Variants in NLGN1 observed in about 807,000 individuals in gnomAD.
The protein encoded by NLGN1 is neuroligin-1.
Under a neutral mutation model 65.5 loss-of-function variants are expected in NLGN1, and 12 were observed. The ratio of observed to expected loss-of-function variants is 0.18; its 90% CI spans 0.12 to 0.30. The LOEUF (loss-of-function observed/expected upper bound fraction) is 0.30, where lower values mean the gene tolerates loss of function less well. Ranked by LOEUF, NLGN1 falls within the 10% of genes least tolerant of loss-of-function variation. The probability of loss-of-function intolerance (pLI) is 1.00; values close to 1 mark genes in which losing one functional copy is unlikely to be tolerated. For missense variants in NLGN1, 750 were observed against 1,007.1 expected (o/e 0.74, Z 3.46); for synonymous variants, 350 against 359.5 (o/e 0.97, Z 0.30).
At chr3:174,128,575 C>G (rs559750100) in intron 4 of NLGN1, among the ~76,000 whole-genome samples, 104 of 152,228 alleles carry the variant, frequency 6.8e-4, no homozygotes, top group Admixed American at 1.7e-3. Context: ...TATTTACTGA[C>G]CCATTTTAAA....
In NLGN1 at chr3:174,107,009, CACACACACAG is replaced by C. The variant is rs1172621728; in HGVS notation, c.647-168304_647-168295del. ...ACACACACACACACACACACACACACACACACACAGAGAGAGAGAGAGAGAGAGAGAGAGA... is the reference window on the plus strand; with the variant it reads ...ACACACACACACACACACACACACACAGAGAGAGAGAGAGAGAGAGAGAGA... On this transcript the variant is annotated intron_variant, in intron 4 of 6. Transcript: ENST00000457714. Among the ~76,000 whole-genome samples the C allele has an allele frequency of 7.9e-4, 94 of 118,892 alleles. 1 individual carries two copies. The highest frequency in any genetic ancestry group is 7.4e-4 in the Admixed American group (9 of 12,166). The allele number at this position is 118,892 out of a possible 152,430, so 78.0% of individuals were successfully genotyped here.
chr3:173,402,036 C>A (rs1339360600), intron 1 of NLGN1, among the ~76,000 whole-genome samples: 1 of 152,084 alleles, frequency 6.6e-6, no homozygotes, highest in Non-Finnish European at 1.5e-5. Flanking sequence ...TGATACTTAC[C>A]AATTATTTAG....
At chr3:173,953,426 T>C (rs889413293) in intron 4 of NLGN1, among the ~76,000 whole-genome samples, 1 of 152,224 alleles carries the variant, frequency 6.6e-6, no homozygotes. Context: ...CTCTGTTCAA[T>C]TTTAGAGCTG....
chr3:174,174,060 A>T (rs1729011086), intron 4 of NLGN1, among the ~76,000 whole-genome samples: 1 of 152,020 alleles, frequency 6.6e-6, no homozygotes, highest in Non-Finnish European at 1.5e-5. Flanking sequence ...CCCACATATG[A>T]GTGAGAACAT....
chr3:173,650,872 T>G (rs1187678988), intron 3 of NLGN1, among the ~76,000 whole-genome samples: 4 of 152,150 alleles, frequency 2.6e-5, no homozygotes, highest in African/African-American at 7.2e-5. Context: ...TTGGCAGGAC[T>G]GCTACTGCCT....
chr3:173,474,615 GGTTA>G (rs562271176), intron 2 of NLGN1, among the ~76,000 whole-genome samples: 1 of 152,070 alleles, frequency 6.6e-6, no homozygotes, highest in South Asian at 2.1e-4. Context: ...AGTTTTCCTT[GGTTA>G]GTTTCAGTAT....
chr3:173,789,131 A>G (rs1341112869), intron 3 of NLGN1, among the ~76,000 whole-genome samples: 2 of 151,870 alleles, frequency 1.3e-5, no homozygotes, highest in South Asian at 2.1e-4. Flanking sequence ...CCTGGGAAGC[A>G]GAGGTTGCAG....
chr3:174,028,965 G>A (rs1401887760), intron 4 of NLGN1, among the ~76,000 whole-genome samples: 2 of 152,124 alleles, frequency 1.3e-5, no homozygotes, highest in Non-Finnish European at 2.9e-5. Flanking sequence ...TAGAGCTCAG[G>A]CCATCAGAGG....
At chr3:173,716,722 A>C (rs1448522716) in intron 3 of NLGN1, among the ~76,000 whole-genome samples, 2 of 152,152 alleles carry the variant, frequency 1.3e-5, no homozygotes, top group African/African-American at 4.8e-5. Context: ...ATGTATCCTT[A>C]AGTCTAAAAG....
chr3:173,662,881 T>C (rs987165853), intron 3 of NLGN1, among the ~76,000 whole-genome samples: 7 of 151,976 alleles, frequency 4.6e-5, no homozygotes, highest in African/African-American at 7.2e-5. Flanking sequence ...AACAGTATAC[T>C]TTTCCATAGG....
At chr3:173,813,866 A>G (rs997278998) in intron 4 of NLGN1, among the ~76,000 whole-genome samples, 1 of 152,228 alleles carries the variant, frequency 6.6e-6, no homozygotes, top group African/African-American at 2.4e-5. Flanking sequence ...AATTTATCAT[A>G]TGGGTTGTAT....
At chr3:173,579,943 A>T (rs918392212) in intron 2 of NLGN1, among the ~76,000 whole-genome samples, 4 of 151,922 alleles carry the variant, frequency 2.6e-5, no homozygotes, top group Non-Finnish European at 2.9e-5. Flanking sequence ...AATTATTTTT[A>T]AAAAATTGTT....
intron 4 of NLGN1, among the ~76,000 whole-genome samples, chr3:174,171,519 A>C (rs1728524514): frequency 6.6e-6 from 1 of 152,116 alleles, no homozygotes; most frequent in South Asian, 2.1e-4. Context: ...AATAGTTTCT[A>C]CCCTTTTCTA....
At chr3:173,770,572 G>T (rs764319861) in intron 3 of NLGN1, among the ~76,000 whole-genome samples, 1 of 152,090 alleles carries the variant, frequency 6.6e-6, no homozygotes, top group Non-Finnish European at 1.5e-5. Context: ...GTTCAGTGCT[G>T]CTCCTCATGG....
intron 3 of NLGN1, among the ~76,000 whole-genome samples, chr3:173,703,069 C>T (rs942357362): frequency 1.3e-5 from 2 of 151,144 alleles, no homozygotes; most frequent in African/African-American, 2.4e-5. Flanking sequence ...TATTATGTTA[C>T]TAGAGTTTTT....
intron 2 of NLGN1, among the ~76,000 whole-genome samples, chr3:173,539,679 C>CT: frequency 1.2e-5 from 1 of 80,004 alleles, no homozygotes; most frequent in Middle Eastern, 9.8e-3. Context: ...ACATATATAA[C>CT]ATACATATAT....
At chr3:173,483,886 A>G (rs1216833709) in intron 2 of NLGN1, among the ~76,000 whole-genome samples, 1 of 152,190 alleles carries the variant, frequency 6.6e-6, no homozygotes, top group African/African-American at 2.4e-5. Flanking sequence ...ATCAAAGGGT[A>G]TGTCCATCTT....
intron 2 of NLGN1, among the ~76,000 whole-genome samples, chr3:173,486,596 A>G (rs1576923448): frequency 6.6e-6 from 1 of 152,172 alleles, no homozygotes; most frequent in African/African-American, 2.4e-5. Context: ...ACTTCTGTGG[A>G]TATCAGAACT....
At position 173,937,430 on chromosome 3, in the gene NLGN1, T is replaced by A. The variant is rs1388475; in HGVS notation, c.646+129598T>A. 9.3e-3 allele frequency among the ~76,000 whole-genome samples: 1,408 copies of A among 151,922 alleles called. 16 individuals are homozygous for A. The highest frequency in any genetic ancestry group is 0.032 in the African/African-American group (1,334 of 41,452). On this transcript the variant is annotated intron_variant, in intron 4 of 6. Coordinates refer to ENST00000457714, the Ensembl canonical transcript of NLGN1. Reference sequence around the variant, plus strand: ...TCACTAGTGGCTCAAATTGGGAGATTAGATTTATCATTGAGTCCAGGAAAT... The same window carrying A: ...TCACTAGTGGCTCAAATTGGGAGATAAGATTTATCATTGAGTCCAGGAAAT...
Sources: gnomAD v4.1 joint callset for allele counts (sites outside exome capture counted in the v4.1 genomes callset) on GRCh38, gnomAD v4.1.1 for gene constraint, MANE v1.5 for transcripts, NCBI Gene and HGNC (gene_info 2026-07-23, HGNC 2026-07-21) for gene names.